Variants in ADAM8 observed in about 807,000 individuals in gnomAD.
ADAM8 encodes the protein disintegrin and metalloproteinase domain-containing protein 8.
ADAM8 carries 104 observed loss-of-function variants against 102.4 expected under a neutral mutation model. That is an observed-to-expected ratio of 1.02 (90% CI 0.87 to 1.20). The LOEUF (loss-of-function observed/expected upper bound fraction) is 1.20, where lower values mean the gene tolerates loss of function less well. ADAM8 is among the 50% of genes most tolerant of loss of function. The probability of loss-of-function intolerance (pLI) is 0.00; values close to 1 mark genes in which losing one functional copy is unlikely to be tolerated. For missense variants in ADAM8, 1,132 were observed against 1,159.0 expected, an observed-to-expected ratio of 0.98 and a Z score of 0.34; for synonymous variants, 517 against 485.2, an observed-to-expected ratio of 1.07 and a Z score of -0.86.
chr10:133,269,615 G>A (rs938677270), intron 17 of ADAM8, 86 bp from the exon 18 acceptor site: 77 of 1,350,690 alleles, frequency 5.7e-5, no homozygotes, highest in Non-Finnish European at 7.1e-5. Flanking sequence ...AGGGCCCCGG[G>A]CCAGCCCCAC....
chr10:133,267,480 C>T, intron 20 of ADAM8, 63 bp from the exon 21 acceptor site: 1 of 1,478,746 alleles, frequency 6.8e-7, no homozygotes, highest in South Asian at 1.2e-5. Context: ...TCCAGCACCC[C>T]CAGCTCCAGG....
At chr10:133,263,598 C>T (rs1395003722) in intron 22 of ADAM8, 90 bp downstream of exon 22, 30 of 1,345,380 alleles carry the variant, frequency 2.2e-5, no homozygotes, top group Admixed American at 8.9e-5. Context: ...AAAAACCCCA[C>T]CCTCCAGGGC....
intron 1 of ADAM8, 130 bp downstream of exon 1, chr10:133,276,642 G>A: frequency 1.5e-6 from 2 of 1,352,024 alleles, no homozygotes; most frequent in Non-Finnish European, 1.9e-6. Flanking sequence ...CCCGCTCCCA[G>A]GGACCAGCCC....
At chr10:133,275,433 A>C in intron 2 of ADAM8, 51 bp downstream of exon 2, 1 of 1,394,296 alleles carries the variant, frequency 7.2e-7, no homozygotes, top group Non-Finnish European at 9.8e-7. Flanking sequence ...CTTTCACAAA[A>C]ATAGGCTCAG....
At chr10:133,273,126 C>T (rs551418516) in intron 6 of ADAM8, 107 bp from the exon 7 acceptor site, 68 of 1,590,128 alleles carry the variant, frequency 4.3e-5, no homozygotes, top group Middle Eastern at 1.7e-4. Context: ...GCTGGGGGAG[C>T]GTGGCCAGGC....
chr10:133,262,898 C>G lies in ADAM8; in HGVS notation c.*258G>C. On this transcript the variant is annotated 3_prime_UTR_variant, in exon 23 of 23. Transcript: ENST00000445355. ...GGAGACACGTACACACACACGCACCCGCAAGCACACAGCTCATCCCAGCCT... is the reference window on the plus strand; with the variant it reads ...GGAGACACGTACACACACACGCACCGGCAAGCACACAGCTCATCCCAGCCT... 1.6e-6 allele frequency: 1 copy of G among 614,758 alleles called. No individual in the cohort carries two copies. 38.1% of individuals were successfully genotyped at this position (614,758 alleles called of 1,614,324 possible). A position where few individuals can be genotyped will look rare whatever the true frequency, so the allele number is the denominator to read the frequency against.
At chr10:133,267,240 A>C (rs1248373496) in intron 21 of ADAM8, 112 bp downstream of exon 21, 1 of 1,237,722 alleles carries the variant, frequency 8.1e-7, no homozygotes, top group Admixed American at 2.0e-5. Context: ...TTCTGTGTAC[A>C]GCAGGGGCCA....
chr10:133,269,630 G>A (rs773485783), intron 17 of ADAM8, 101 bp from the exon 18 acceptor site: 180 of 1,249,512 alleles, frequency 1.4e-4, no homozygotes, highest in Non-Finnish European at 1.8e-4. Flanking sequence ...CCCCACCCCC[G>A]AGGGCCCCTC....
In ADAM8 at chr10:133,263,225, A is replaced by C. The variant is rs1322235688; in HGVS notation, c.2406T>G (p.Val802=). ...GGGGCTTCAGGGCAACCTTTGGGCC[A>C]ACAGCACCCTGGGAGGAGGAAAAGA... ...AANPGPAEGA[V]GPKVALKPPI... Residue 802 remains valine (V), a synonymous_variant, in exon 23 of 23, where the codon GTT becomes GTG. Transcript: ENST00000445355. 1 of 1,608,484 alleles carries C rather than the reference A, an allele frequency of 6.2e-7. No individual in the cohort carries two copies. The highest frequency in any genetic ancestry group is 8.5e-7 in the Non-Finnish European group (1 of 1,176,580).
At chr10:133,272,756 G>T (rs369766204) in intron 8 of ADAM8, 42 bp downstream of exon 8, 3 of 1,526,512 alleles carry the variant, frequency 2.0e-6, no homozygotes. Flanking sequence ...CCCACCTCCC[G>T]CCAGGGGCTC....
At position 133,273,616 on chromosome 10, in the gene ADAM8, G is replaced by C. The variant is rs571300390; in HGVS notation, c.383+146C>G. The C allele has an allele frequency of 3.2e-6, 4 of 1,266,262 alleles. No homozygotes were observed. In the East Asian group the frequency reaches 1.0e-4, roughly 32 times the overall value. The allele number at this position is 1,266,262 out of a possible 1,614,324, so 78.4% of individuals were successfully genotyped here. A position where few individuals can be genotyped will look rare whatever the true frequency, so the allele number is the denominator to read the frequency against. The stretch of plus-strand genomic sequence containing the variant: ...GGAGGGTGAGCCTCTTGGGCTTGGC[G>C]TCCCCTGAGCAGACCCCCATGCAAG... On this transcript the variant is annotated intron_variant, in intron 5 of 22. Coordinates refer to ENST00000445355, the MANE Select transcript of ADAM8 (RefSeq NM_001109.5).
chr10:133,269,789 C>A (rs1846457901), intron 17 of ADAM8, 108 bp downstream of exon 17: 1 of 1,339,818 alleles, frequency 7.5e-7, no homozygotes, highest in African/African-American at 1.4e-5. Context: ...ACAGGACACG[C>A]CAGGCTCCCC....
Position 133,272,190 on chromosome 10 carries a change from C to T in ADAM8, c.957+3G>A, listed in dbSNP as rs1313168556. ...TGGCAAACCCGGGCAGGAGCCCCCT[C>T]ACCTGGTTCACAGCCCCTGAGCTGT... On this transcript the variant is annotated splice_donor_region_variant and intron_variant, in intron 10 of 22. Transcript: ENST00000445355. The T allele has an allele frequency of 1.4e-5, 22 of 1,549,952 alleles. No individual in the cohort carries two copies. The highest frequency in any genetic ancestry group is 1.6e-5 in the Non-Finnish European group (18 of 1,146,746).
chr10:133,274,173 G>T lies in ADAM8; in HGVS notation c.213C>A (p.His71Gln), dbSNP rs753657094. The change falls in exon 3 of 23, where the codon CAC (histidine) becomes CAA (glutamine). Residue 71 changes from histidine (H) to glutamine (Q), a missense_variant. His to Gln is a conservative substitution (Grantham distance 24, BLOSUM62 0). Transcript: ENST00000445355. ...LGATGHNFTL[H>Q]LRKNRDLLGS... is the part of the protein sequence containing the mutation. ...GACCCACTCACCTGTTCTTCCGCAG[G>T]TGGAGGGTGAAGTTGTGCCCTGTGG... 1 of 1,588,682 alleles carries T rather than the reference G, an allele frequency of 6.3e-7. No individual in the cohort carries two copies. The highest frequency in any genetic ancestry group is 8.6e-7 in the Non-Finnish European group (1 of 1,166,782).
chr10:133,272,836 G>T lies in ADAM8; in HGVS notation c.667C>A (p.Arg223Ser). 5.0e-6 allele frequency: 8 copies of T among 1,611,070 alleles called. No homozygotes were observed. Among genetic ancestry groups the T allele is most frequent in the Non-Finnish European group, 6.8e-6 (8 of 1,178,888 alleles). Residue 223 changes from arginine to serine, a missense_variant, in exon 8 of 23, where the codon CGT becomes AGT. Physicochemically the swap from Arg to Ser is moderately radical, Grantham distance 110 (BLOSUM62 -1). Coordinates refer to ENST00000445355, the MANE Select transcript of ADAM8 (RefSeq NM_001109.5). ...FQMLGSEAAV[R>S]HRVLEVVNHV... ...TTCACCACCTCCAGCACCCGATGAC[G>T]CACGGCTGCTTCGCTCCCCAGCATC...
chr10:133,273,666 G>A, intron 5 of ADAM8, 96 bp downstream of exon 5: 4 of 1,408,782 alleles, frequency 2.8e-6, no homozygotes, highest in East Asian at 2.5e-5. Context: ...AGTGGGAGGA[G>A]GAGGCACCCT....
At chr10:133,270,016 C>T (rs781427438) in intron 16 of ADAM8, 42 bp from the exon 17 acceptor site, 1 of 1,598,888 alleles carries the variant, frequency 6.3e-7, no homozygotes, top group East Asian at 2.2e-5. Flanking sequence ...CTCTGGACCT[C>T]TGCCCCGCCA....
Position 133,273,004 on chromosome 10 carries a change from G to A in ADAM8, c.589C>T (p.Arg197Ter), listed in dbSNP as rs774786953. Reference sequence around the variant, plus strand: ...TACAGCTCCACGTAGCGGGTCTCTCGGGATGGCAGAGAGTCCTGGGGAACA... The same window carrying A: ...TACAGCTCCACGTAGCGGGTCTCTCAGGATGGCAGAGAGTCCTGGGGAACA... ...RPRPGDSLPS[R>*]ETRYVELYVV... Residue 197 changes from arginine (R) to a stop codon, truncating the protein, a stop_gained, in exon 7 of 23, where the codon CGA becomes TGA. Transcript: ENST00000445355. LOFTEE classifies it high-confidence loss of function. 4.5e-5 allele frequency: 72 copies of A among 1,612,656 alleles called. 2 individuals are homozygous for A. The South Asian group carries it at 4.6e-4, about 10-fold the overall frequency.
At chr10:133,272,934 C>T (rs1244503232) in intron 7 of ADAM8, 23 bp downstream of exon 7, 1 of 1,612,682 alleles carries the variant, frequency 6.2e-7, no homozygotes. Context: ...GCTGCTCTCC[C>T]ACCTTCCCTG....
Sources: allele counts gnomAD v4.1 joint callset, GRCh38; gene constraint gnomAD v4.1.1; transcripts MANE v1.5; gene names NCBI Gene and HGNC (gene_info 2026-07-23, HGNC 2026-07-21).